The following PCDHGA11 variants were observed in gnomAD, a reference collection of about 807,000 sequenced individuals.
PCDHGA11 encodes the protein protocadherin gamma-A11.
In PCDHGA11, 39 loss-of-function variants were observed where a neutral mutation model predicts 60.4. That is an observed-to-expected ratio of 0.65 (90% CI 0.50 to 0.84). The LOEUF (loss-of-function observed/expected upper bound fraction) is 0.84. Ranked by LOEUF, PCDHGA11 falls within the 40% of genes least tolerant of loss-of-function variation. The pLI is 0.00. For synonymous variants in PCDHGA11, 533 were observed against 510.3 expected, an observed-to-expected ratio of 1.04 and a Z score of -0.60; for missense variants, 1,165 against 1,197.7, an observed-to-expected ratio of 0.97 and a Z score of 0.40.
chr5:141,457,902 G>A (rs1219261409), intron 1 of PCDHGA11, among the ~76,000 whole-genome samples: 1 of 150,854 alleles, frequency 6.6e-6, no homozygotes, highest in Non-Finnish European at 1.5e-5. Flanking sequence ...GTGTAGACAA[G>A]GTGTGAGGCC....
At position 141,422,547 on chromosome 5, in the gene PCDHGA11, G is replaced by C; in HGVS notation, c.1320G>C (p.Trp440Cys). 3 of 1,613,938 alleles carry C rather than the reference G, an allele frequency of 1.9e-6. No homozygotes were observed. Among genetic ancestry groups the C allele is most frequent in the Non-Finnish European group, 2.5e-6 (3 of 1,179,884 alleles). The stretch of plus-strand genomic sequence containing the variant: ...CTTTGTCTGCAGAAACTCATGTCTG[G>C]CTGAATGTGGCAGATGACAACGATA... ...SPPLSAETHV[W>C]LNVADDNDNP... The change falls in exon 1 of 4, where the codon TGG (tryptophan) becomes TGC (cysteine). Residue 440 changes from tryptophan to cysteine, a missense_variant. Trp to Cys is a radical substitution (Grantham distance 215, BLOSUM62 -2). Transcript: ENST00000398587.
At position 141,422,030 on chromosome 5, in the gene PCDHGA11, C is replaced by T. The variant is rs1404612424; in HGVS notation, c.803C>T (p.Thr268Met). ...ACTCGGGTGCTGATGGTTAATGCAA[C>T]GGATCCAGACGAGGGAATCAACGGG... ...SGTRVLMVNA[T>M]DPDEGINGEV... is the part of the protein sequence containing the mutation. The change falls in exon 1 of 4, where the codon ACG becomes ATG. Residue 268 changes from threonine to methionine, a missense_variant. Coordinates refer to ENST00000398587, the MANE Select transcript of PCDHGA11 (RefSeq NM_018914.3). 3 of 1,609,592 alleles carry T rather than the reference C, an allele frequency of 1.9e-6. No homozygotes were observed. The South Asian group carries it at 3.3e-5, about 18-fold the overall frequency.
In PCDHGA11 at chr5:141,432,126, C is replaced by G. The variant is rs750150518; in HGVS notation, c.2433+8466C>G. 12 of 1,614,026 alleles carry G rather than the reference C, an allele frequency of 7.4e-6. No homozygotes were observed. Among genetic ancestry groups the G allele is most frequent in the South Asian group, 4.4e-5 (4 of 91,062 alleles). On this transcript the variant is annotated intron_variant, in intron 1 of 3. Transcript: ENST00000398587. The surrounding 1 kb of genome is among the most constrained non-coding windows in gnomAD (Gnocchi z 6.0). ...AACCCGCCGGTCTTCCCTCAGGCCT[C>G]CTATTCCGCTTATATCCCAGAGAAC...
rs1205670837 is a variant in PCDHGA11, at chr5:141,421,256, G to A, written c.29G>A (p.Arg10His). The A allele has an allele frequency of 1.2e-6, 2 of 1,607,696 alleles. No individual in the cohort carries two copies. The highest frequency in any genetic ancestry group is 1.3e-5 in the African/African-American group (1 of 74,920). Residue 10 changes from arginine (R) to histidine (H), a missense_variant, in exon 1 of 4, where the codon CGC becomes CAC. Coordinates refer to ENST00000398587, the MANE Select transcript of PCDHGA11 (RefSeq NM_018914.3). MANRLQRGD[R>H]SRLLLLLCIF... is the part of the protein sequence containing the mutation. ...GCGAATCGGCTACAGCGCGGGGACC[G>A]CAGTCGGCTGCTGCTGCTGCTGTGC... is the stretch of plus-strand genomic sequence containing the variant.
chr5:141,447,648 T>A (rs1262852729), intron 1 of PCDHGA11, among the ~76,000 whole-genome samples: 3 of 152,164 alleles, frequency 2.0e-5, no homozygotes, highest in African/African-American at 4.8e-5. Flanking sequence ...ATGGTAGAAT[T>A]TTCCCCCCCA....
intron 2 of PCDHGA11, among the ~76,000 whole-genome samples, chr5:141,499,234 A>G (rs1294400331): frequency 6.6e-6 from 1 of 152,008 alleles, no homozygotes; most frequent in Non-Finnish European, 1.5e-5. Flanking sequence ...AGCTGTCCCC[A>G]GCCTCTGCAC....
At chr5:141,509,544 A>AT (rs1312201678) in intron 3 of PCDHGA11, among the ~76,000 whole-genome samples, 1 of 152,150 alleles carries the variant, frequency 6.6e-6, no homozygotes, top group Non-Finnish European at 1.5e-5. Context: ...GCACCATCTC[A>AT]TTTAGTCCTC....
At chr5:141,448,707 G>A (rs1455790773) in intron 1 of PCDHGA11, among the ~76,000 whole-genome samples, 4 of 152,228 alleles carry the variant, frequency 2.6e-5, no homozygotes, top group South Asian at 2.1e-4. Flanking sequence ...TTGGGAGGCC[G>A]AGGCGGGAGG....
rs1259021130 is a variant in PCDHGA11 at position 141,485,083 on chromosome 5, G to C, written c.2434-9724G>C. ...GCGCCAGAGCTGGCGCGGGGAAAGG[G>C]AGATAGGTGTCTCCAGCTGCTGTGG... On this transcript the variant is annotated intron_variant, in intron 1 of 3. Coordinates refer to ENST00000398587, the MANE Select transcript of PCDHGA11 (RefSeq NM_018914.3). The surrounding 1 kb of genome is among the most constrained non-coding windows in gnomAD (Gnocchi z 5.7). The C allele has an allele frequency of 1.0e-6, 1 of 989,386 alleles. No homozygotes were observed. The highest frequency in any genetic ancestry group is 1.6e-5 in the African/African-American group (1 of 61,992). 61.3% of individuals were successfully genotyped at this position (989,386 alleles called of 1,614,324 possible).
intron 1 of PCDHGA11, among the ~76,000 whole-genome samples, chr5:141,466,360 G>A (rs2099121274): frequency 6.6e-6 from 1 of 152,070 alleles, no homozygotes; most frequent in South Asian, 2.1e-4. Context: ...TAATCTAGAT[G>A]TAATGGTTTT....
chr5:141,507,365 C>G (rs1279257057), intron 3 of PCDHGA11: 1 of 152,092 alleles, frequency 6.6e-6, no homozygotes, highest in African/African-American at 2.4e-5. Context: ...ACTGGGAGCC[C>G]TGTACTTTTA....
At chr5:141,457,715 CA>C (rs2098928510) in intron 1 of PCDHGA11, among the ~76,000 whole-genome samples, 2 of 152,212 alleles carry the variant, frequency 1.3e-5, no homozygotes, top group Non-Finnish European at 2.9e-5. Flanking sequence ...CACTGTTCCA[CA>C]AGGAATTTCA....
intron 1 of PCDHGA11, among the ~76,000 whole-genome samples, chr5:141,480,693 G>C (rs1488899685): frequency 2.6e-5 from 4 of 152,096 alleles, no homozygotes; most frequent in Non-Finnish European, 5.9e-5. Context: ...CTGAAACCCA[G>C]GCCACACCCC....
rs1374094845 is a variant in PCDHGA11, at chr5:141,476,576, T to A, written c.2434-18231T>A. On this transcript the variant is annotated intron_variant, in intron 1 of 3. Coordinates refer to ENST00000398587, the MANE Select transcript of PCDHGA11 (RefSeq NM_018914.3). The surrounding 1 kb of genome is among the most constrained non-coding windows in gnomAD (Gnocchi z 7.6). Reference sequence around the variant, plus strand: ...CGAGGCCGTGGCTCCGGGGACGCGCTTTCCGCTCGAGAGCGCGCACGATCC... The same window carrying A: ...CGAGGCCGTGGCTCCGGGGACGCGCATTCCGCTCGAGAGCGCGCACGATCC... 3 of 1,614,102 alleles carry A rather than the reference T, an allele frequency of 1.9e-6. No individual in the cohort carries two copies. Among genetic ancestry groups the A allele is most frequent in the Middle Eastern group, 1.6e-4 (1 of 6,084 alleles).
At chr5:141,508,096 G>A (rs1489615862) in intron 3 of PCDHGA11, 1 of 152,476 alleles carries the variant, frequency 6.6e-6, no homozygotes, top group African/African-American at 2.4e-5. Context: ...CCTTGGCCCT[G>A]GGATGGGGTA....
intron 1 of PCDHGA11, among the ~76,000 whole-genome samples, chr5:141,430,204 AATT>A (rs1179966513): frequency 6.6e-6 from 1 of 151,962 alleles, no homozygotes; most frequent in African/African-American, 2.4e-5. Context: ...AGAAAGTTTA[AATT>A]ATTATATTAT....
intron 1 of PCDHGA11, among the ~76,000 whole-genome samples, chr5:141,469,186 G>T (rs536021769): frequency 6.6e-6 from 1 of 151,978 alleles, no homozygotes; most frequent in Admixed American, 6.6e-5. Flanking sequence ...TGAGGCAAGA[G>T]GATTGCTTGA....
chr5:141,423,230 G>C lies in PCDHGA11; in HGVS notation c.2003G>C (p.Ser668Thr), dbSNP rs1223173152. Residue 668 changes from serine (S) to threonine (T), a missense_variant, in exon 1 of 4, where the codon AGC (serine) becomes ACC (threonine). Ser to Thr is a moderately conservative substitution (Grantham distance 58). Transcript: ENST00000398587. Reference protein sequence around the residue: ...TVTLTVAVADSIPEVLADLGS... With the variant: ...TVTLTVAVADTIPEVLADLGS... ...ACGCTCACCGTGGCTGTGGCCGACA[G>C]CATCCCCGAAGTCCTGGCGGACCTC... 6.2e-7 allele frequency: 1 copy of C among 1,613,872 alleles called. No individual in the cohort carries two copies. Among genetic ancestry groups the C allele is most frequent in the Admixed American group, 1.7e-5 (1 of 60,030 alleles).
At position 141,432,851 on chromosome 5, in the gene PCDHGA11, G is replaced by T. The variant is rs561153330; in HGVS notation, c.2433+9191G>T. 8 of 1,614,198 alleles carry T rather than the reference G, an allele frequency of 5.0e-6. No homozygotes were observed. In the African/African-American group the frequency reaches 9.3e-5, roughly 19 times the overall value. ...CACTCTGTACCTGGTGGTAGCGGTG[G>T]CCGCGGTCTCCTGCGTCTTCCTGGC... On this transcript the variant is annotated intron_variant, in intron 1 of 3. Transcript: ENST00000398587. This position sits in a 1 kb window ranked among gnomAD's most constrained non-coding sequence, Gnocchi z 6.0.
Sources: gnomAD v4.1 joint callset for allele counts (sites outside exome capture counted in the v4.1 genomes callset) on GRCh38, gnomAD v4.1.1 for gene constraint, Gnocchi (gnomAD v3.1) non-coding constraint, MANE v1.5 for transcripts, NCBI Gene and HGNC (gene_info 2026-07-23, HGNC 2026-07-21) for gene names.